The following ZFHX3 variants were observed in gnomAD, a reference collection of about 807,000 sequenced individuals.
ZFHX3 encodes zinc finger homeobox protein 3.
ZFHX3 carries 42 observed loss-of-function variants against 279.1 expected under a neutral mutation model. The observed-to-expected ratio is 0.15, with a 90% CI of 0.12 to 0.19. ZFHX3 has a LOEUF of 0.19. ZFHX3 is among the 10% of genes least tolerant of loss of function. The pLI, the probability that ZFHX3 is intolerant of heterozygous loss-of-function variation, is 1.00. For synonymous variants in ZFHX3, 2,293 were observed against 1,957.8 expected (o/e 1.17, Z -4.52); for missense variants, 4,981 against 4,754.0 (o/e 1.05, Z -1.40).
At chr16:73,836,473 A>G (rs1428400815) in intron 1 of ZFHX3, among the ~76,000 whole-genome samples, 2 of 152,216 alleles carry the variant, frequency 1.3e-5, no homozygotes, top group Non-Finnish European at 2.9e-5. Context: ...GACTTGAGTC[A>G]TTTCATAAAC....
chr16:73,638,635 A>G (rs1271513176), intron 2 of ZFHX3, among the ~76,000 whole-genome samples: 2 of 152,200 alleles, frequency 1.3e-5, no homozygotes, highest in East Asian at 1.9e-4. Context: ...ACAAACCTCT[A>G]TTATAGCACC....
At chr16:73,286,978 G>A in intron 4 of ZFHX3, among the ~76,000 whole-genome samples, 1 of 148,570 alleles carries the variant, frequency 6.7e-6, no homozygotes, top group African/African-American at 2.5e-5. Context: ...GTGTGGGTCA[G>A]CGTGTGGGTG....
At chr16:73,484,786 G>A (rs985559793) in intron 2 of ZFHX3, among the ~76,000 whole-genome samples, 2 of 152,184 alleles carry the variant, frequency 1.3e-5, no homozygotes, top group Non-Finnish European at 2.9e-5. Context: ...GAAATACGAT[G>A]TCTTTCATCT....
intron 4 of ZFHX3, among the ~76,000 whole-genome samples, chr16:72,857,695 AAAAACAAAAC>A (rs59492312): frequency 1.3e-5 from 2 of 151,828 alleles, no homozygotes; most frequent in South Asian, 4.1e-4. Flanking sequence ...TGTAATTGAC[AAAAACAAAAC>A]AAAACAAAAC....
chr16:72,902,227 T>G (rs1382716427), intron 3 of ZFHX3, among the ~76,000 whole-genome samples: 1 of 152,216 alleles, frequency 6.6e-6, no homozygotes, highest in Non-Finnish European at 1.5e-5. Context: ...TCCTAACGGA[T>G]GACAGAGTCC....
intron 4 of ZFHX3, among the ~76,000 whole-genome samples, chr16:73,315,827 C>G (rs975647073): frequency 6.6e-6 from 1 of 152,194 alleles, no homozygotes; most frequent in Non-Finnish European, 1.5e-5. Context: ...ACTCACTTCC[C>G]GTTTTCAGTT....
chr16:73,563,993 G>T (rs1445508295), intron 2 of ZFHX3, among the ~76,000 whole-genome samples: 1 of 152,176 alleles, frequency 6.6e-6, no homozygotes, highest in African/African-American at 2.4e-5. Context: ...GCAAGTGAAT[G>T]AGTTAATTCA....
At chr16:73,654,271 A>T (rs1484945856) in intron 2 of ZFHX3, among the ~76,000 whole-genome samples, 2 of 152,172 alleles carry the variant, frequency 1.3e-5, no homozygotes, top group Non-Finnish European at 2.9e-5. Flanking sequence ...ATTTAACAAA[A>T]TTGGCTAGAT....
chr16:73,513,977 C>T (rs1337355250), intron 2 of ZFHX3, among the ~76,000 whole-genome samples: 1 of 152,118 alleles, frequency 6.6e-6, no homozygotes, highest in Non-Finnish European at 1.5e-5. Context: ...TATTGGAGGC[C>T]ATGTGCAGTG....
At chr16:73,643,655 T>C (rs1040897962) in intron 2 of ZFHX3, among the ~76,000 whole-genome samples, 2 of 152,160 alleles carry the variant, frequency 1.3e-5, no homozygotes, top group African/African-American at 4.8e-5. Flanking sequence ...TCCGAGCAAT[T>C]CCAGTGTTTC....
intron 7 of ZFHX3, among the ~76,000 whole-genome samples, chr16:73,102,816 T>A (rs1966248523): frequency 6.6e-6 from 1 of 152,224 alleles, no homozygotes. Context: ...CAGGTTGTTA[T>A]AAAGGTCAAA....
chr16:73,597,311 T>G (rs2143854286), intron 2 of ZFHX3, among the ~76,000 whole-genome samples: 1 of 152,354 alleles, frequency 6.6e-6, no homozygotes, highest in South Asian at 2.1e-4. Flanking sequence ...TGTATATTTC[T>G]TATGGGCCTC....
chr16:73,388,767 C>G (rs912049881), intron 3 of ZFHX3: 3 of 152,268 alleles, frequency 2.0e-5, no homozygotes, highest in Non-Finnish European at 4.4e-5. Flanking sequence ...ATCTGAGTAA[C>G]TGTTTTCCCT....
At chr16:73,540,231 C>T (rs565916609) in intron 2 of ZFHX3, among the ~76,000 whole-genome samples, 2 of 152,334 alleles carry the variant, frequency 1.3e-5, no homozygotes, top group Admixed American at 6.5e-5. Flanking sequence ...GGAATAACTG[C>T]TTCCACAACC....
chr16:73,354,451 C>G (rs552628625), intron 3 of ZFHX3, among the ~76,000 whole-genome samples: 1 of 152,200 alleles, frequency 6.6e-6, no homozygotes, highest in Non-Finnish European at 1.5e-5. Flanking sequence ...CAGGCATGTA[C>G]GATGACTGCC....
At chr16:73,768,445 A>G (rs774222246) in intron 1 of ZFHX3, among the ~76,000 whole-genome samples, 2 of 152,186 alleles carry the variant, frequency 1.3e-5, no homozygotes, top group African/African-American at 4.8e-5. Context: ...CCCAACCCCT[A>G]TGATAGTTCT....
intron 4 of ZFHX3, among the ~76,000 whole-genome samples, chr16:72,882,631 G>A (rs1366052042): frequency 6.6e-6 from 1 of 152,142 alleles, no homozygotes; most frequent in African/African-American, 2.4e-5. Flanking sequence ...ACCTTCTCCA[G>A]GGGGACCTTC....
At chr16:73,669,071 C>A (rs1366225368) in intron 2 of ZFHX3, among the ~76,000 whole-genome samples, 1 of 120,296 alleles carries the variant, frequency 8.3e-6, no homozygotes, top group Admixed American at 8.3e-5. Context: ...TTTCTATTTT[C>A]TATTTTTTTT....
chr16:73,792,438 CA>C (rs1959854056), intron 1 of ZFHX3, among the ~76,000 whole-genome samples: 1 of 152,146 alleles, frequency 6.6e-6, no homozygotes, highest in Non-Finnish European at 1.5e-5. Context: ...AATACTAAAT[CA>C]CAGAAATAAT....
Sources: gnomAD v4.1 joint callset for allele counts (sites outside exome capture counted in the v4.1 genomes callset) on GRCh38, gnomAD v4.1.1 for gene constraint, MANE v1.5 for transcripts, NCBI Gene and HGNC (gene_info 2026-07-23, HGNC 2026-07-21) for gene names.